Variants in KDM4C observed in about 807,000 individuals in gnomAD.
KDM4C encodes the protein lysine demethylase 4C.
A neutral mutation model predicts 129.3 loss-of-function variants in KDM4C; 81 were observed. The ratio of observed to expected loss-of-function variants is 0.63; its 90% CI spans 0.52 to 0.75. The LOEUF is 0.75. Ranked by LOEUF, KDM4C falls within the 30% of genes least tolerant of loss-of-function variation. The pLI, the probability that KDM4C is intolerant of heterozygous loss-of-function variation, is 0.00. For synonymous variants in KDM4C, 573 were observed against 456.1 expected, an observed-to-expected ratio of 1.26 and a Z score of -3.26; for missense variants, 1,457 against 1,304.0, an observed-to-expected ratio of 1.12 and a Z score of -1.81.
intron 12 of KDM4C, among the ~76,000 whole-genome samples, chr9:6,998,776 A>G (rs573806551): frequency 6.2e-4 from 93 of 150,856 alleles, no homozygotes; most frequent in Non-Finnish European, 1.1e-3. Context: ...AGCCTGGGCA[A>G]CACAGCAGGA....
intron 4 of KDM4C, among the ~76,000 whole-genome samples, chr9:6,830,743 TG>T (rs1834677591): frequency 1.3e-5 from 2 of 152,222 alleles, no homozygotes; most frequent in African/African-American, 4.8e-5. Context: ...ATGAGGCCAC[TG>T]GAAGTACCTT....
At chr9:7,166,380 G>GT (rs1234381049) in intron 20 of KDM4C, among the ~76,000 whole-genome samples, 2 of 152,124 alleles carry the variant, frequency 1.3e-5, no homozygotes, top group Non-Finnish European at 2.9e-5. Flanking sequence ...AGGAGAGAGT[G>GT]TTTTTCATGG....
chr9:6,868,280 C>T (rs987038333), intron 5 of KDM4C, among the ~76,000 whole-genome samples: 3 of 151,990 alleles, frequency 2.0e-5, no homozygotes, highest in African/African-American at 7.3e-5. Context: ...AGCAACCATA[C>T]GTGCAGGCAG....
chr9:6,808,708 AAAG>A (rs1329320327), intron 3 of KDM4C, among the ~76,000 whole-genome samples: 202 of 151,428 alleles, frequency 1.3e-3, no homozygotes, highest in Non-Finnish European at 2.2e-3. Context: ...AAAAAAAAAA[AAAG>A]AAGTGGCACA....
At chr9:6,875,136 C>G (rs1275300886) in intron 5 of KDM4C, among the ~76,000 whole-genome samples, 1 of 152,126 alleles carries the variant, frequency 6.6e-6, no homozygotes, top group Non-Finnish European at 1.5e-5. Flanking sequence ...CGTTTCCTTC[C>G]TCTTCTCCAG....
At chr9:7,107,494 A>G (rs1837827060) in intron 18 of KDM4C, among the ~76,000 whole-genome samples, 1 of 152,234 alleles carries the variant, frequency 6.6e-6, no homozygotes, top group Admixed American at 6.5e-5. Context: ...TTTTCCTGGC[A>G]AGTTACTTAG....
chr9:6,843,060 G>C (rs1306944799), intron 4 of KDM4C, among the ~76,000 whole-genome samples: 1 of 152,196 alleles, frequency 6.6e-6, no homozygotes, highest in African/African-American at 2.4e-5. Flanking sequence ...CTCCCGAGTA[G>C]CTGGGATTAT....
intron 1 of KDM4C, among the ~76,000 whole-genome samples, chr9:6,763,888 G>C (rs1820090944): frequency 6.6e-6 from 1 of 152,118 alleles, no homozygotes; most frequent in Non-Finnish European, 1.5e-5. Context: ...TTCCTGAGTA[G>C]CTGGGCTTAC....
intron 1 of KDM4C, among the ~76,000 whole-genome samples, chr9:6,767,579 C>T (rs1820894717): frequency 6.6e-6 from 1 of 152,150 alleles, no homozygotes; most frequent in Non-Finnish European, 1.5e-5. Context: ...GGACTACAGG[C>T]ACCTGCCACC....
At chr9:6,996,951 G>A (rs1003757349) in intron 12 of KDM4C, among the ~76,000 whole-genome samples, 1 of 152,068 alleles carries the variant, frequency 6.6e-6, no homozygotes, top group Non-Finnish European at 1.5e-5. Flanking sequence ...AGAAATAATG[G>A]CTAATATAAA....
intron 8 of KDM4C, among the ~76,000 whole-genome samples, chr9:6,967,563 T>C (rs1831215154): frequency 6.6e-6 from 1 of 152,190 alleles, no homozygotes; most frequent in Non-Finnish European, 1.5e-5. Context: ...TGTGAAATTG[T>C]TGGAAGGACT....
At chr9:6,838,969 G>C (rs1346004534) in intron 4 of KDM4C, among the ~76,000 whole-genome samples, 1 of 152,162 alleles carries the variant, frequency 6.6e-6, no homozygotes, top group Non-Finnish European at 1.5e-5. Flanking sequence ...GTGTGAAATG[G>C]ATTGAATTTT....
chr9:6,724,599 C>T (rs632343), intron 1 of KDM4C, among the ~76,000 whole-genome samples: 4 of 152,106 alleles, frequency 2.6e-5, no homozygotes, highest in Non-Finnish European at 4.4e-5. Context: ...GGCACGATCT[C>T]GGCTCACTGC....
chr9:7,137,453 C>T (rs1221611376), intron 19 of KDM4C, among the ~76,000 whole-genome samples: 6 of 152,180 alleles, frequency 3.9e-5, no homozygotes, highest in African/African-American at 1.4e-4. Context: ...ATTGACCCTT[C>T]GATTACTCTT....
At chr9:7,034,406 C>G (rs1173724741) in intron 15 of KDM4C, among the ~76,000 whole-genome samples, 3 of 152,172 alleles carry the variant, frequency 2.0e-5, no homozygotes, top group African/African-American at 7.2e-5. Flanking sequence ...CTTTTTACTT[C>G]TATGGGATCA....
At chr9:6,818,114 G>C (rs1324820991) in intron 4 of KDM4C, among the ~76,000 whole-genome samples, 1 of 152,098 alleles carries the variant, frequency 6.6e-6, no homozygotes, top group Non-Finnish European at 1.5e-5. Context: ...TTTTATGTGA[G>C]TGTATGTATA....
At chr9:6,726,746 G>T (rs1817145556) in intron 1 of KDM4C, 1 of 152,100 alleles carries the variant, frequency 6.6e-6, no homozygotes, top group Non-Finnish European at 1.5e-5. Flanking sequence ...GTTTTTGGGG[G>T]TTTTCTTGAG....
At chr9:6,795,632 A>G (rs12000747) in intron 2 of KDM4C, among the ~76,000 whole-genome samples, 19,625 of 151,310 alleles carry the variant, frequency 0.13, 1,793 homozygotes, top group South Asian at 0.23. Context: ...GTGCCCGGAC[A>G]TGTATCTTGT....
rs148235005 is a variant in KDM4C, at chr9:6,862,788, C to G, written c.629+13088C>G. 8.2e-3 allele frequency among the ~76,000 whole-genome samples: 1,247 copies of G among 151,726 alleles called. 20 individuals carry two copies. Among genetic ancestry groups the G allele is most frequent in the African/African-American group, 0.029 (1,190 of 41,378 alleles). On this transcript the variant is annotated intron_variant, in intron 5 of 21. Coordinates refer to ENST00000381309, the MANE Select transcript of KDM4C (RefSeq NM_015061.6). ...CGCCACTGTACTCCAGCATGGGTGACAGAGCGAGACTTTGTCTCAAAACAA... is the reference window on the plus strand; with the variant it reads ...CGCCACTGTACTCCAGCATGGGTGAGAGAGCGAGACTTTGTCTCAAAACAA...
Sources: gnomAD v4.1 joint callset for allele counts (sites outside exome capture counted in the v4.1 genomes callset) on GRCh38, gnomAD v4.1.1 for gene constraint, MANE v1.5 for transcripts, NCBI Gene and HGNC (gene_info 2026-07-23, HGNC 2026-07-21) for gene names.